Variants in MTMR1 observed in about 807,000 individuals in gnomAD.
The protein encoded by MTMR1 is myotubularin related protein 1, also known as phosphatidylinositol-3-phosphate phosphatase MTMR1.
In MTMR1, 17 loss-of-function variants were observed where a neutral mutation model predicts 51.6. The observed-to-expected ratio is 0.33, with a 90% confidence interval of 0.23 to 0.49. The LOEUF is 0.49. MTMR1 is among the 20% of genes least tolerant of loss of function. The pLI, the probability that MTMR1 is intolerant of heterozygous loss-of-function variation, is 0.99. For missense variants in MTMR1, 386 were observed against 526.9 expected (o/e 0.73, Z 2.62); for synonymous variants, 201 against 205.6 (o/e 0.98, Z 0.19).
chrX:150,757,765 C>T (rs1399506325), intron 15 of MTMR1, among the ~76,000 whole-genome samples: 1 of 112,292 alleles, frequency 8.9e-6, no homozygotes, highest in Non-Finnish European at 1.9e-5. Flanking sequence ...CTGTGTCCCT[C>T]TCCCACTAGC....
At chrX:150,712,055 G>A (rs1347748808) in intron 2 of MTMR1, among the ~76,000 whole-genome samples, 4 of 111,058 alleles carry the variant, frequency 3.6e-5, no homozygotes, top group African/African-American at 1.3e-4. Context: ...ACTTGTAATA[G>A]CACTTGACAG....
intron 10 of MTMR1, among the ~76,000 whole-genome samples, chrX:150,734,125 C>T (rs1207300059): frequency 8.9e-6 from 1 of 112,257 alleles, no homozygotes; most frequent in Non-Finnish European, 1.9e-5. Context: ...GGGCTTGCAG[C>T]CACATCACTC....
At chrX:150,703,365 G>A (rs782567716) in intron 2 of MTMR1, among the ~76,000 whole-genome samples, 19 of 111,825 alleles carry the variant, frequency 1.7e-4, no homozygotes, top group Non-Finnish European at 3.4e-4. Context: ...TTATTCAATT[G>A]TGTTCAAAAG....
intron 2 of MTMR1, among the ~76,000 whole-genome samples, chrX:150,699,955 T>C (rs2040854596): frequency 8.9e-6 from 1 of 112,641 alleles, no homozygotes; most frequent in East Asian, 2.8e-4. Flanking sequence ...AAATCGCTTG[T>C]TCCATCTTTG....
intron 11 of MTMR1, 125 bp downstream of exon 11, chrX:150,736,905 G>A (rs1353585662): frequency 4.3e-6 from 3 of 696,588 alleles, no homozygotes; most frequent in Admixed American, 4.3e-5. Flanking sequence ...TAGTTTCCAT[G>A]GACAGCATCA....
intron 2 of MTMR1, among the ~76,000 whole-genome samples, chrX:150,706,005 G>T (rs1230827365): frequency 8.9e-6 from 1 of 111,958 alleles, no homozygotes; most frequent in Non-Finnish European, 1.9e-5. Flanking sequence ...GAATGCCACA[G>T]ACTGGGTAAT....
intron 12 of MTMR1, among the ~76,000 whole-genome samples, chrX:150,739,176 G>A (rs2042358605): frequency 1.8e-5 from 2 of 112,600 alleles, no homozygotes; most frequent in African/African-American, 6.5e-5. Flanking sequence ...CAAGTCCGCA[G>A]TCTCTGAGCT....
At chrX:150,720,355 G>A (rs782241169) in intron 4 of MTMR1, among the ~76,000 whole-genome samples, 57 of 112,062 alleles carry the variant, frequency 5.1e-4, no homozygotes, top group African/African-American at 1.7e-3. Flanking sequence ...CTATAGGCTA[G>A]CTTATGTTTT....
intron 15 of MTMR1, 127 bp downstream of exon 15, chrX:150,755,992 G>A (rs1355263902): frequency 2.5e-5 from 14 of 551,676 alleles, no homozygotes; most frequent in Non-Finnish European, 3.7e-5. Flanking sequence ...GCCCTCTCCT[G>A]TCAGGGTTCA....
At position 150,764,961 on chromosome X, in the gene MTMR1, TTAG is replaced by T. The variant is rs1272098782; in HGVS notation, c.*2236_*2238del. The T allele has an allele frequency of 1.8e-5, 2 of 112,455 alleles. No homozygotes were observed. The highest frequency in any genetic ancestry group is 6.5e-5 in the African/African-American group (2 of 30,912). The allele number at this position is 112,455 out of a possible 1,213,427, so 9.3% of individuals were successfully genotyped here. ...TTTTTTAAGTAAGTAAGTAAGTATC[TTAG>T]TAGATTTTTCCTTTGAGGAAAATCG... On this transcript the variant is annotated 3_prime_UTR_variant, in exon 16 of 16. Transcript: ENST00000445323.
chrX:150,728,208 A>G (rs1451877219), intron 6 of MTMR1, among the ~76,000 whole-genome samples: 1 of 112,766 alleles, frequency 8.9e-6, no homozygotes, highest in Non-Finnish European at 1.9e-5. Context: ...TGTATTGTTT[A>G]GGGAATAATG....
chrX:150,698,680 GCA>G (rs1214335904), intron 1 of MTMR1, among the ~76,000 whole-genome samples: 1,168 of 62,855 alleles, frequency 0.019, 9 homozygotes, highest in East Asian at 0.068. Context: ...ACACGCGCGC[GCA>G]CACACACACA....
chrX:150,745,445 CT>C (rs1341961948), intron 13 of MTMR1, among the ~76,000 whole-genome samples: 1 of 111,982 alleles, frequency 8.9e-6, no homozygotes, highest in Admixed American at 9.5e-5. Flanking sequence ...TTGATTGATC[CT>C]CCCGCAGCCT....
chrX:150,748,545 C>T (rs78489095), intron 13 of MTMR1, among the ~76,000 whole-genome samples: 9,380 of 109,732 alleles, frequency 0.085, 442 homozygotes, highest in Non-Finnish European at 0.14. Context: ...GAGCCGGGCA[C>T]GGTAGCTCAT....
intron 12 of MTMR1, among the ~76,000 whole-genome samples, chrX:150,740,970 C>T (rs2042407836): frequency 9.0e-6 from 1 of 111,557 alleles, no homozygotes; most frequent in South Asian, 3.8e-4. Context: ...GGATCCACCC[C>T]CATGACCCAA....
intron 14 of MTMR1, among the ~76,000 whole-genome samples, chrX:150,751,910 CTTTTTTTTTTTTTT>C (rs35937277): frequency 1.2e-4 from 5 of 41,609 alleles, no homozygotes; most frequent in Admixed American, 8.9e-4. Flanking sequence ...CTTTTTCTTT[CTTTTTTTTTTTTTT>C]TTTTTTTTTT....
rs1569565763 is a variant in MTMR1, at chrX:150,755,803, C to CT, written c.1796dup (p.Ser600GlufsTer58). The CT allele has an allele frequency of 8.3e-7, 1 of 1,206,302 alleles. No homozygotes were observed. ...CCACGTGTTATATCCTGTTGCTAGT[C>CT]TGAGTCATTTGGAATTGTGGGTAAA... On this transcript the variant is annotated frameshift_variant, in exon 15 of 16. Transcript: ENST00000445323. LOFTEE classifies it high-confidence loss of function.
chrX:150,700,281 T>G (rs1557415891), intron 2 of MTMR1, among the ~76,000 whole-genome samples: 1 of 111,979 alleles, frequency 8.9e-6, no homozygotes, highest in African/African-American at 3.3e-5. Context: ...AGGAGCTTTA[T>G]CTTCAGTTCC....
chrX:150,728,861 C>G (rs1210548693), intron 6 of MTMR1, among the ~76,000 whole-genome samples: 1 of 108,689 alleles, frequency 9.2e-6, no homozygotes, highest in African/African-American at 3.4e-5. Context: ...CGTTCAAAAC[C>G]ATTTTTTTTT....
Sources: allele counts gnomAD v4.1 joint callset (sites outside exome capture counted in the v4.1 genomes callset), GRCh38; gene constraint gnomAD v4.1.1; transcripts MANE v1.5; gene names NCBI Gene and HGNC (gene_info 2026-07-23, HGNC 2026-07-21).